The following COPG2 variants were observed in gnomAD, a reference collection of about 807,000 sequenced individuals.
The protein encoded by COPG2 is coat protein complex I subunit gamma 2, also known as coatomer subunit gamma-2.
A neutral mutation model predicts 46.3 loss-of-function variants in COPG2; 37 were observed. The ratio of observed to expected loss-of-function variants is 0.80; its 90% CI spans 0.61 to 1.05. The LOEUF (loss-of-function observed/expected upper bound fraction) is 1.05, where lower values mean the gene tolerates loss of function less well. Ranked by LOEUF, COPG2 falls within the 50% of genes least tolerant of loss-of-function variation. The probability of loss-of-function intolerance (pLI) is 0.00; values close to 1 mark genes in which losing one functional copy is unlikely to be tolerated. For synonymous variants in COPG2, 159 were observed against 129.7 expected (o/e 1.23, Z -1.53); for missense variants, 427 against 387.8 (o/e 1.10, Z -0.85).
At chr7:130,620,764 C>T (rs186154704) in intron 5 of COPG2, among the ~76,000 whole-genome samples, 18 of 152,152 alleles carry the variant, frequency 1.2e-4, no homozygotes, top group African/African-American at 2.9e-4. Flanking sequence ...TAATATTTAA[C>T]GAGATTTTAG....
intron 5 of COPG2, among the ~76,000 whole-genome samples, chr7:130,638,687 G>A (rs1389327990): frequency 6.6e-6 from 1 of 152,132 alleles, no homozygotes; most frequent in Non-Finnish European, 1.5e-5. Context: ...GATCCACTGA[G>A]CTAGACCACT....
intron 5 of COPG2, among the ~76,000 whole-genome samples, chr7:130,634,502 A>G (rs922389695): frequency 4.6e-5 from 7 of 152,172 alleles, no homozygotes; most frequent in Non-Finnish European, 7.4e-5. Context: ...GAGTTCACTC[A>G]TGATTTGGCT....
intron 20 of COPG2, chr7:130,511,072 G>A: frequency 2.1e-6 from 1 of 472,888 alleles, no homozygotes; most frequent in Admixed American, 2.3e-5. Flanking sequence ...GCGAATTAGA[G>A]AAAAGATAGA....
At chr7:130,588,150 G>A (rs1432761577) in intron 9 of COPG2, among the ~76,000 whole-genome samples, 18 of 150,970 alleles carry the variant, frequency 1.2e-4, no homozygotes, top group Non-Finnish European at 1.3e-4. Flanking sequence ...GAAACAACAG[G>A]TGCTGGAGAG....
intron 9 of COPG2, among the ~76,000 whole-genome samples, chr7:130,582,868 G>A (rs1171141141): frequency 1.3e-5 from 2 of 151,852 alleles, no homozygotes; most frequent in East Asian, 3.8e-4. Flanking sequence ...GAGAGGATGT[G>A]GAGAAATAGG....
intron 5 of COPG2, among the ~76,000 whole-genome samples, chr7:130,621,546 C>T (rs932523103): frequency 6.6e-6 from 1 of 152,162 alleles, no homozygotes; most frequent in Non-Finnish European, 1.5e-5. Flanking sequence ...ACGGTGCTCA[C>T]GCCTGTAATC....
intron 12 of COPG2, among the ~76,000 whole-genome samples, chr7:130,558,261 C>A (rs1311866688): frequency 6.6e-6 from 1 of 151,978 alleles, no homozygotes; most frequent in Non-Finnish European, 1.5e-5. Flanking sequence ...GGGCGGATTT[C>A]CCTGCTGGTG....
At chr7:130,640,747 C>G (rs1795449258) in intron 5 of COPG2, among the ~76,000 whole-genome samples, 2 of 152,318 alleles carry the variant, frequency 1.3e-5, no homozygotes, top group South Asian at 4.1e-4. Flanking sequence ...CACATTAACA[C>G]ACCTTTCTCC....
chr7:130,610,192 GA>G (rs2116501149), intron 9 of COPG2: 1 of 459,144 alleles, frequency 2.2e-6, no homozygotes, highest in East Asian at 6.1e-5. Context: ...CTTATCATTA[GA>G]AAAGTGCAGG....
At chr7:130,663,065 A>C in intron 3 of COPG2, 27 bp from the exon 4 acceptor site, 1 of 1,386,306 alleles carries the variant, frequency 7.2e-7, no homozygotes, top group East Asian at 2.5e-5. Flanking sequence ...ACAATTTTTA[A>C]ATTTTAAAAA....
At position 130,507,686 on chromosome 7, in the gene COPG2, TTCAAGGG is replaced by T. The variant is rs781784306; in HGVS notation, c.2378_2384del (p.Thr793LysfsTer45). ...TACTGATAGCAAAATGGGTCTCACCTTCAAGGGTTTTGGTAGAACTGAGGGCAAAGGT... is the reference window on the plus strand; with the variant it reads ...TACTGATAGCAAAATGGGTCTCACCTTTTTGGTAGAACTGAGGGCAAAGGT... On this transcript the variant is annotated frameshift_variant and splice_region_variant, in exon 22 of 24. Transcript: ENST00000425248. LOFTEE classifies it high-confidence loss of function. The T allele has an allele frequency of 2.6e-6, 2 of 780,358 alleles. No homozygotes were observed. The highest frequency in any genetic ancestry group is 2.7e-5 in the South Asian group (2 of 74,562). The allele number at this position is 780,358 out of a possible 1,614,324, so 48.3% of individuals were successfully genotyped here. A position where few individuals can be genotyped will look rare whatever the true frequency, so the allele number is the denominator to read the frequency against.
intron 5 of COPG2, among the ~76,000 whole-genome samples, chr7:130,650,520 C>G (rs1554458925): frequency 6.6e-6 from 1 of 152,176 alleles, no homozygotes; most frequent in Non-Finnish European, 1.5e-5. Flanking sequence ...AGCAATCTAA[C>G]TGAAGGTTTT....
At chr7:130,560,604 T>C (rs1793703288) in intron 12 of COPG2, among the ~76,000 whole-genome samples, 1 of 152,208 alleles carries the variant, frequency 6.6e-6, no homozygotes, top group African/African-American at 2.4e-5. Flanking sequence ...GTGGTACTGG[T>C]ACTGGATTGA....
intron 1 of COPG2, among the ~76,000 whole-genome samples, chr7:130,667,850 T>C (rs571151799): frequency 6.6e-6 from 1 of 152,272 alleles, no homozygotes; most frequent in East Asian, 1.9e-4. Flanking sequence ...TGTAGTAGGG[T>C]GCTTTTGATT....
At chr7:130,565,235 A>G (rs1470943966) in intron 9 of COPG2, among the ~76,000 whole-genome samples, 1 of 152,212 alleles carries the variant, frequency 6.6e-6, no homozygotes, top group African/African-American at 2.4e-5. Context: ...CTCCCGGGGC[A>G]TGGAAAGCAC....
At chr7:130,613,950 A>T (rs1407048731) in intron 6 of COPG2, among the ~76,000 whole-genome samples, 1 of 152,242 alleles carries the variant, frequency 6.6e-6, no homozygotes, top group Non-Finnish European at 1.5e-5. Flanking sequence ...ACCCATCAGG[A>T]AAGTCATAAA....
intron 5 of COPG2, among the ~76,000 whole-genome samples, chr7:130,619,722 A>C (rs1183637544): frequency 1.3e-5 from 2 of 152,176 alleles, no homozygotes; most frequent in Non-Finnish European, 2.9e-5. Flanking sequence ...TTTATTTTTC[A>C]AGAAAAGCTC....
rs1374984011 is a variant in COPG2, at chr7:130,506,440, C to T, written c.*236G>A. 2.0e-5 allele frequency: 5 copies of T among 254,856 alleles called. No individual in the cohort carries two copies. Among genetic ancestry groups the T allele is most frequent in the African/African-American group, 4.6e-5 (2 of 43,502 alleles). 15.8% of individuals were successfully genotyped at this position (254,856 alleles called of 1,614,324 possible). A position where few individuals can be genotyped will look rare whatever the true frequency, so the allele number is the denominator to read the frequency against. On this transcript the variant is annotated 3_prime_UTR_variant, in exon 24 of 24. Coordinates refer to ENST00000425248, the MANE Select transcript of COPG2 (RefSeq NM_012133.6). The stretch of plus-strand genomic sequence containing the variant: ...GATAGTATTTGATTTTCAAGATCAC[C>T]CAAAGCTGCACTATCGTCCCAAAGC...
chr7:130,562,284 G>A (rs1793732272), intron 11 of COPG2, among the ~76,000 whole-genome samples: 1 of 152,132 alleles, frequency 6.6e-6, no homozygotes, highest in Admixed American at 6.5e-5. Context: ...GCTTGAACCT[G>A]GGAGGCGGAG....
Sources: gnomAD v4.1 joint callset for allele counts (sites outside exome capture counted in the v4.1 genomes callset) on GRCh38, gnomAD v4.1.1 for gene constraint, MANE v1.5 for transcripts, NCBI Gene and HGNC (gene_info 2026-07-23, HGNC 2026-07-21) for gene names.